ITGA4: variants seen among roughly 807,000 people sequenced by gnomAD.
ITGA4 encodes integrin subunit alpha 4.
ITGA4 carries 63 observed loss-of-function variants against 133.6 expected under a neutral mutation model. That is an observed-to-expected ratio of 0.47 (90% CI 0.38 to 0.58). ITGA4 has a LOEUF of 0.58. Ranked by LOEUF, ITGA4 falls within the 20% of genes least tolerant of loss-of-function variation. The pLI is 0.00. For synonymous variants in ITGA4, 483 were observed against 438.0 expected, an observed-to-expected ratio of 1.10 and a Z score of -1.28; for missense variants, 1,076 against 1,252.7, an observed-to-expected ratio of 0.86 and a Z score of 2.13.
At chr2:181,486,547 AGGCCTGGGGACAGT>A (rs1559044003) in intron 10 of ITGA4, among the ~76,000 whole-genome samples, 4 of 152,140 alleles carry the variant, frequency 2.6e-5, no homozygotes, top group African/African-American at 9.7e-5. Flanking sequence ...GGCCACTGGG[AGGCCTGGGGACAGT>A]GGCTGTTTAC....
Position 181,534,940 on chromosome 2 carries a change from GCATTTAA to G in ITGA4, c.3003+8_3003+14del. 1 of 1,556,492 alleles carries G rather than the reference GCATTTAA, an allele frequency of 6.4e-7. No homozygotes were observed. The highest frequency in any genetic ancestry group is 1.2e-5 in the South Asian group (1 of 82,810). On this transcript the variant is annotated splice_donor_region_variant and intron_variant, in intron 27 of 27. Coordinates refer to ENST00000397033, the MANE Select transcript of ITGA4 (RefSeq NM_000885.6). ...ATCTCATATGTTATGTGGAAGGTAA[GCATTTAA>G]CAATTACCAACATTAGTCTACTAAA... is the stretch of plus-strand genomic sequence containing the variant.
chr2:181,458,068 G>T, intron 1 of ITGA4, 128 bp from the exon 2 acceptor site: 1 of 1,342,644 alleles, frequency 7.4e-7, no homozygotes, highest in Non-Finnish European at 1.0e-6. Context: ...GGAGCTTCGA[G>T]TCGGGGGTGG....
intron 10 of ITGA4, among the ~76,000 whole-genome samples, chr2:181,489,022 A>T (rs1400541126): frequency 6.6e-6 from 1 of 152,178 alleles, no homozygotes; most frequent in African/African-American, 2.4e-5. Flanking sequence ...AGGCAGCAGG[A>T]ATTTACAAGT....
intron 2 of ITGA4, chr2:181,459,253 T>A (rs570533396): frequency 2.0e-5 from 3 of 152,336 alleles, no homozygotes; most frequent in East Asian, 3.9e-4. Flanking sequence ...AGGGTCTGAA[T>A]GCGTCCAAAG....
chr2:181,496,219 A>C (rs1471805661), intron 14 of ITGA4, among the ~76,000 whole-genome samples: 1 of 152,188 alleles, frequency 6.6e-6, no homozygotes, highest in Non-Finnish European at 1.5e-5. Flanking sequence ...ACTGAGCTTA[A>C]CCTGTGAAAT....
At chr2:181,515,936 A>G (rs1319777890) in intron 17 of ITGA4, among the ~76,000 whole-genome samples, 3 of 152,214 alleles carry the variant, frequency 2.0e-5, no homozygotes, top group Non-Finnish European at 4.4e-5. Context: ...TCAGTAAAGA[A>G]CATGAGTTTC....
chr2:181,518,499 T>C (rs1247020045), intron 17 of ITGA4, among the ~76,000 whole-genome samples: 1 of 152,086 alleles, frequency 6.6e-6, no homozygotes, highest in Non-Finnish European at 1.5e-5. Context: ...ACAAAATAGA[T>C]TTCAATTAAA....
chr2:181,522,780 C>A (rs941190022), intron 18 of ITGA4, among the ~76,000 whole-genome samples: 1 of 152,132 alleles, frequency 6.6e-6, no homozygotes, highest in African/African-American at 2.4e-5. Context: ...AGGGACCACA[C>A]CTTCATACCA....
At chr2:181,512,559 G>A (rs1227263935) in intron 17 of ITGA4, among the ~76,000 whole-genome samples, 1 of 152,068 alleles carries the variant, frequency 6.6e-6, no homozygotes, top group Non-Finnish European at 1.5e-5. Context: ...AGAATGGGGA[G>A]TCCCTGTAGG....
intron 15 of ITGA4, among the ~76,000 whole-genome samples, chr2:181,505,401 G>C (rs1686373106): frequency 2.0e-5 from 3 of 152,058 alleles, no homozygotes; most frequent in Admixed American, 2.0e-4. Flanking sequence ...TGAAAGTCAA[G>C]CAAGAAGACA....
At chr2:181,460,566 A>AATGTGTGTGTGTGT (rs79689303) in intron 2 of ITGA4, among the ~76,000 whole-genome samples, 7,636 of 147,946 alleles carry the variant, frequency 0.052, 319 homozygotes, top group East Asian at 0.092. Flanking sequence ...TCTGTAGAAG[A>AATGTGTGTGTGTGT]GTGTGTGTGT....
Position 181,537,263 on chromosome 2 carries a change from T to TACTCAGAACTACTCAGAA in ITGA4, c.*1739_*1756dup, listed in dbSNP as rs1429794750. ...AGGAAATTTACATTTGGTTCTTTCCTACTCAGAACTACTCAGAAACAACTA... is the reference window on the plus strand; with the variant it reads ...AGGAAATTTACATTTGGTTCTTTCCTACTCAGAACTACTCAGAAACTCAGAACTACTCAGAAACAACTA... On this transcript the variant is annotated 3_prime_UTR_variant, in exon 28 of 28. Transcript: ENST00000397033. 1 of 453,646 alleles carries TACTCAGAACTACTCAGAA rather than the reference T, an allele frequency of 2.2e-6. No homozygotes were observed. Among genetic ancestry groups the TACTCAGAACTACTCAGAA allele is most frequent in the East Asian group, 6.9e-5 (1 of 14,390 alleles). The allele number at this position is 453,646 out of a possible 1,614,324, so 28.1% of individuals were successfully genotyped here. A position where few individuals can be genotyped will look rare whatever the true frequency, so the allele number is the denominator to read the frequency against.
In ITGA4 at chr2:181,536,910, G is replaced by A. The variant is rs1379183021; in HGVS notation, c.*1383G>A. 2.2e-6 allele frequency: 1 copy of A among 453,424 alleles called. No homozygotes were observed. Among genetic ancestry groups the A allele is most frequent in the Non-Finnish European group, 4.4e-6 (1 of 226,514 alleles). The allele number at this position is 453,424 out of a possible 1,614,324, so 28.1% of individuals were successfully genotyped here. ...AGTGATCAAATTAGAAGGCAATGTG[G>A]AAAAACAATTCTGGGAAAGATTTCT... is the stretch of plus-strand genomic sequence containing the variant. On this transcript the variant is annotated 3_prime_UTR_variant, in exon 28 of 28. Coordinates refer to ENST00000397033, the MANE Select transcript of ITGA4 (RefSeq NM_000885.6).
chr2:181,494,276 A>G (rs1285074936), intron 11 of ITGA4, among the ~76,000 whole-genome samples: 1 of 152,144 alleles, frequency 6.6e-6, no homozygotes, highest in Admixed American at 6.5e-5. Context: ...TTATTTAGTT[A>G]TTCATGTTGG....
intron 10 of ITGA4, among the ~76,000 whole-genome samples, chr2:181,489,815 T>G (rs1271125997): frequency 2.6e-5 from 4 of 152,176 alleles, no homozygotes; most frequent in Admixed American, 2.0e-4. Context: ...CCTCTTTCCC[T>G]TCTGAGTCTT....
At chr2:181,524,122 AT>A (rs1686784304) in intron 19 of ITGA4, 48 bp from the exon 20 acceptor site, 1 of 1,224,538 alleles carries the variant, frequency 8.2e-7, no homozygotes, top group South Asian at 1.4e-5. Flanking sequence ...ATTATAAAAA[AT>A]GTACTTAAGA....
intron 4 of ITGA4, among the ~76,000 whole-genome samples, chr2:181,476,600 T>A (rs1460099110): frequency 6.6e-6 from 1 of 152,206 alleles, no homozygotes; most frequent in East Asian, 1.9e-4. Context: ...TTTGTAATAA[T>A]AGACCTTTAT....
chr2:181,467,947 C>A (rs1685460092), intron 2 of ITGA4, among the ~76,000 whole-genome samples: 1 of 152,206 alleles, frequency 6.6e-6, no homozygotes, highest in South Asian at 2.1e-4. Flanking sequence ...GATTACAGTT[C>A]CCCAATAATG....
chr2:181,481,034 CTCTT>C (rs61702892), intron 6 of ITGA4, among the ~76,000 whole-genome samples: 3,487 of 152,154 alleles, frequency 0.023, 122 homozygotes, highest in African/African-American at 0.078. Flanking sequence ...AAAATAAGCA[CTCTT>C]TCTTTCTATT....
Sources: gnomAD v4.1 joint callset for allele counts (sites outside exome capture counted in the v4.1 genomes callset) on GRCh38, gnomAD v4.1.1 for gene constraint, MANE v1.5 for transcripts, NCBI Gene and HGNC (gene_info 2026-07-23, HGNC 2026-07-21) for gene names.